MYO1D: variants seen among roughly 807,000 people sequenced by gnomAD.
MYO1D encodes myosin ID.
A neutral mutation model predicts 122.0 loss-of-function variants in MYO1D; 83 were observed. The ratio of observed to expected loss-of-function variants is 0.68; its 90% CI spans 0.57 to 0.82. The LOEUF (loss-of-function observed/expected upper bound fraction) is 0.82, where lower values mean the gene tolerates loss of function less well. Ranked by LOEUF, MYO1D falls within the 40% of genes least tolerant of loss-of-function variation. The pLI is 0.00. For synonymous variants in MYO1D, 464 were observed against 446.9 expected (o/e 1.04, Z -0.48); for missense variants, 1,157 against 1,269.5 (o/e 0.91, Z 1.35).
chr17:32,686,642 G>A (rs1169553197), intron 16 of MYO1D, among the ~76,000 whole-genome samples: 1 of 152,084 alleles, frequency 6.6e-6, no homozygotes, highest in Non-Finnish European at 1.5e-5. Flanking sequence ...GAGACAGGAG[G>A]ATCATTTGAG....
intron 21 of MYO1D, among the ~76,000 whole-genome samples, chr17:32,499,827 G>T (rs112160025): frequency 0.012 from 1,865 of 152,096 alleles, 19 homozygotes; most frequent in Middle Eastern, 0.027. Flanking sequence ...GCTGGGTGTG[G>T]TGGCATGGGC....
At chr17:32,713,595 C>A (rs867694368) in intron 15 of MYO1D, among the ~76,000 whole-genome samples, 1 of 152,094 alleles carries the variant, frequency 6.6e-6, no homozygotes, top group South Asian at 2.1e-4. Flanking sequence ...AGACCCAAAG[C>A]ACCCTTGATA....
Position 32,764,608 on chromosome 17 carries a change from G to A in MYO1D, c.1035+270C>T, listed in dbSNP as rs576261314. On this transcript the variant is annotated intron_variant, in intron 8 of 21. Coordinates refer to ENST00000318217, the MANE Select transcript of MYO1D (RefSeq NM_015194.3). ...GATCAGAGCTCAGTCAGTTGACTCT[G>A]GCGAAGCATTATTGAGTGAGAGAAG... 3.3e-5 allele frequency among the ~76,000 whole-genome samples: 5 copies of A among 152,254 alleles called. No homozygotes were observed. The East Asian group carries it at 7.7e-4, about 23-fold the overall frequency.
intron 19 of MYO1D, among the ~76,000 whole-genome samples, chr17:32,641,086 T>TC (rs1352845353): frequency 6.5e-4 from 37 of 57,158 alleles, no homozygotes; most frequent in African/African-American, 2.5e-3. Flanking sequence ...CCCTCCCCCC[T>TC]CCCCCCACCC....
intron 1 of MYO1D, among the ~76,000 whole-genome samples, chr17:32,785,224 G>A (rs766699223): frequency 3.5e-4 from 53 of 152,160 alleles, no homozygotes; most frequent in Admixed American, 6.5e-4. Context: ...CTCCTGAAGC[G>A]TCTAAGTTAG....
intron 21 of MYO1D, among the ~76,000 whole-genome samples, chr17:32,501,444 G>A (rs1013765854): frequency 6.6e-6 from 1 of 152,232 alleles, no homozygotes; most frequent in African/African-American, 2.4e-5. Context: ...CTTGGAGGAA[G>A]GAATGCTGCA....
chr17:32,717,528 A>G (rs1462811683), intron 15 of MYO1D, among the ~76,000 whole-genome samples: 1 of 152,182 alleles, frequency 6.6e-6, no homozygotes, highest in African/African-American at 2.4e-5. Flanking sequence ...TATATCCTCT[A>G]GAAGATTTTT....
intron 19 of MYO1D, among the ~76,000 whole-genome samples, chr17:32,649,015 A>G (rs1007292513): frequency 2.2e-4 from 33 of 152,198 alleles, no homozygotes; most frequent in Admixed American, 9.8e-4. Flanking sequence ...GTCTACTGAC[A>G]TTATATCACT....
rs554666558 is a variant in MYO1D, at chr17:32,859,258, T to C, written c.95+17520A>G. On this transcript the variant is annotated intron_variant, in intron 1 of 21. Coordinates refer to ENST00000318217, the MANE Select transcript of MYO1D (RefSeq NM_015194.3). ...GACTGTACTTTTCCCCTTTCCATATTTGGAGCTCTCTTTTATGACCATGAG... is the reference window on the plus strand; with the variant it reads ...GACTGTACTTTTCCCCTTTCCATATCTGGAGCTCTCTTTTATGACCATGAG... Among the ~76,000 whole-genome samples the C allele has an allele frequency of 5.8e-4, 88 of 152,348 alleles. 1 individual carries two copies. The highest frequency in any genetic ancestry group is 2.0e-3 in the African/African-American group (84 of 41,580).
chr17:32,605,132 C>A lies in MYO1D; in HGVS notation c.2819G>T (p.Ser940Ile). The change falls in exon 21 of 22, where the codon AGT (serine) becomes ATT (isoleucine). Residue 940 changes from serine to isoleucine, a missense_variant. By Grantham distance (142) the Ser-to-Ile change is moderately radical. Transcript: ENST00000318217. ...CACTCCAACAAGTTCTCCAATTCGA[C>A]TCTCATGGGTTGGCTGTTTGCTGAA... ...CLFSKQPTHE[S>I]RIGELVGVLV... The A allele has an allele frequency of 6.2e-7, 1 of 1,605,652 alleles. No homozygotes were observed. The highest frequency in any genetic ancestry group is 8.5e-7 in the Non-Finnish European group (1 of 1,173,638).
chr17:32,777,511 T>C (rs1598090595), intron 3 of MYO1D, among the ~76,000 whole-genome samples: 1 of 152,172 alleles, frequency 6.6e-6, no homozygotes, highest in East Asian at 1.9e-4. Flanking sequence ...CTATCATCCA[T>C]TCATCCCTTA....
intron 12 of MYO1D, among the ~76,000 whole-genome samples, chr17:32,747,474 T>C (rs1196125389): frequency 1.3e-5 from 2 of 152,142 alleles, no homozygotes; most frequent in African/African-American, 2.4e-5. Context: ...ATTAATGATC[T>C]TGAGAGGAGA....
intron 20 of MYO1D, among the ~76,000 whole-genome samples, chr17:32,635,262 C>T (rs1433834442): frequency 6.6e-6 from 1 of 152,128 alleles, no homozygotes; most frequent in Non-Finnish European, 1.5e-5. Flanking sequence ...GAAAGAATGG[C>T]AGAAACATAG....
chr17:32,822,829 C>G (rs1346280997), intron 1 of MYO1D, among the ~76,000 whole-genome samples: 4 of 151,476 alleles, frequency 2.6e-5, no homozygotes. Context: ...CGGGGTCGAC[C>G]GGCTGCCGCC....
chr17:32,790,725 T>G (rs190235012), intron 1 of MYO1D, among the ~76,000 whole-genome samples: 1 of 152,080 alleles, frequency 6.6e-6, no homozygotes, highest in Admixed American at 6.5e-5. Context: ...TGGGTCTCAA[T>G]TGGAATTGGA....
intron 19 of MYO1D, among the ~76,000 whole-genome samples, chr17:32,644,124 C>G (rs1271618147): frequency 1.3e-5 from 2 of 151,968 alleles, no homozygotes; most frequent in Non-Finnish European, 2.9e-5. Context: ...TGTCTTTGTT[C>G]TCGTTGGTTT....
chr17:32,583,677 T>C (rs764258663), intron 21 of MYO1D, among the ~76,000 whole-genome samples: 1 of 152,162 alleles, frequency 6.6e-6, no homozygotes, highest in Non-Finnish European at 1.5e-5. Flanking sequence ...GCCACTGTAG[T>C]TTAATATCAG....
At chr17:32,571,488 A>T (rs2087227282) in intron 21 of MYO1D, among the ~76,000 whole-genome samples, 1 of 152,036 alleles carries the variant, frequency 6.6e-6, no homozygotes, top group Admixed American at 6.5e-5. Context: ...AAAAACTGTA[A>T]ATTCTGGTGG....
intron 21 of MYO1D, chr17:32,504,974 T>G (rs907503096): frequency 1.3e-5 from 2 of 152,510 alleles, no homozygotes; most frequent in Admixed American, 1.3e-4. Context: ...CTGATTGCAC[T>G]TTTTGTCTGT....
Sources: gnomAD v4.1 joint callset for allele counts (sites outside exome capture counted in the v4.1 genomes callset) on GRCh38, gnomAD v4.1.1 for gene constraint, MANE v1.5 for transcripts, NCBI Gene and HGNC (gene_info 2026-07-23, HGNC 2026-07-21) for gene names.